Variants in MRPL46 observed in about 807,000 individuals in gnomAD.
MRPL46 encodes the protein mitochondrial ribosomal protein L46.
MRPL46 carries 26 observed loss-of-function variants against 31.0 expected under a neutral mutation model. The ratio of observed to expected loss-of-function variants is 0.84; its 90% CI spans 0.61 to 1.16. MRPL46 has a LOEUF of 1.16. MRPL46 is among the 50% of genes most tolerant of loss of function. The probability of loss-of-function intolerance (pLI) is 0.00; values close to 1 mark genes in which losing one functional copy is unlikely to be tolerated. For synonymous variants in MRPL46, 159 were observed against 141.3 expected, an observed-to-expected ratio of 1.13 and a Z score of -0.89; for missense variants, 395 against 340.0, an observed-to-expected ratio of 1.16 and a Z score of -1.27.
intron 3 of MRPL46, chr15:88,464,281 C>T (rs2055501956): frequency 6.0e-6 from 1 of 167,720 alleles, no homozygotes; most frequent in Non-Finnish European, 1.3e-5. Flanking sequence ...GCTGTTAGAA[C>T]AAAGAGGGGA....
chr15:88,466,427 G>C (rs527737575), intron 1 of MRPL46, among the ~76,000 whole-genome samples: 4 of 152,284 alleles, frequency 2.6e-5, no homozygotes, highest in African/African-American at 9.6e-5. Context: ...CACTCAACTA[G>C]ACTGAAGTAC....
At chr15:88,459,997 A>T (rs2055462608) in intron 3 of MRPL46, 134 bp from the exon 4 acceptor site, 1 of 1,134,304 alleles carries the variant, frequency 8.8e-7, no homozygotes, top group South Asian at 1.6e-5. Context: ...GAATAGGACT[A>T]GAGCCATTCC....
chr15:88,465,657 C>G lies in MRPL46; in HGVS notation c.345G>C (p.Leu115Phe). Residue 115 changes from leucine (L) to phenylalanine (F), a missense_variant, in exon 2 of 4, where the codon TTG becomes TTC. Physicochemically the swap from Leu to Phe is conservative, Grantham distance 22. Transcript: ENST00000312475. The part of the protein sequence containing the change: ...LHDEEDEQDI[L>F]LAQDLEDMWE... ...ACATATCTTCCAAATCTTGCGCCAG[C>G]AATATATCCTGTTCATCTTCTTCAT... 1 of 1,613,358 alleles carries G rather than the reference C, an allele frequency of 6.2e-7. No homozygotes were observed. Among genetic ancestry groups the G allele is most frequent in the Non-Finnish European group, 8.5e-7 (1 of 1,179,848 alleles).
intron 3 of MRPL46, chr15:88,464,029 C>G (rs559236515): frequency 7.2e-5 from 11 of 152,284 alleles, no homozygotes; most frequent in African/African-American, 2.4e-4. Context: ...ACTTCTCAAC[C>G]ACTGTAATTT....
intron 2 of MRPL46, 200 bp downstream of exon 2, chr15:88,465,387 G>T (rs542303604): frequency 4.0e-6 from 2 of 497,192 alleles, no homozygotes; most frequent in South Asian, 5.3e-5. Flanking sequence ...GAGAGAAAAG[G>T]CTATTCCAAT....
At chr15:88,466,620 G>A (rs533885826) in intron 1 of MRPL46, among the ~76,000 whole-genome samples, 1 of 152,214 alleles carries the variant, frequency 6.6e-6, no homozygotes, top group Non-Finnish European at 1.5e-5. Flanking sequence ...GTTCTCAACA[G>A]ACCAAGACAA....
chr15:88,465,415 G>T, intron 2 of MRPL46, 172 bp downstream of exon 2: 2 of 673,796 alleles, frequency 3.0e-6, no homozygotes, highest in South Asian at 3.4e-5. Context: ...CCTCTCACCC[G>T]AAAATAAGAC....
intron 3 of MRPL46, chr15:88,461,649 A>T (rs2055478430): frequency 6.6e-6 from 1 of 152,234 alleles, no homozygotes; most frequent in Non-Finnish European, 1.5e-5. Context: ...AGGGGTTATA[A>T]ATTAGTATAA....
chr15:88,465,803 C>G (rs2055522445), intron 1 of MRPL46, 30 bp from the exon 2 acceptor site: 20 of 1,530,876 alleles, frequency 1.3e-5, no homozygotes, highest in Non-Finnish European at 1.7e-5. Flanking sequence ...AAAAAACTAC[C>G]TTAATCTGGC....
At chr15:88,462,480 C>T (rs2055486852) in intron 3 of MRPL46, 1 of 152,212 alleles carries the variant, frequency 6.6e-6, no homozygotes, top group African/African-American at 2.4e-5. Flanking sequence ...ATCTCACTAG[C>T]AAACAGGAAA....
intron 1 of MRPL46, among the ~76,000 whole-genome samples, chr15:88,466,899 T>C (rs771081488): frequency 9.9e-5 from 15 of 152,220 alleles, no homozygotes; most frequent in Non-Finnish European, 2.1e-4. Flanking sequence ...CCGATTCTTG[T>C]TCACCACAGG....
Position 88,467,208 on chromosome 15 carries a change from G to C in MRPL46, c.170C>G (p.Pro57Arg). 1 of 1,614,118 alleles carries C rather than the reference G, an allele frequency of 6.2e-7. No individual in the cohort carries two copies. Among genetic ancestry groups the C allele is most frequent in the Non-Finnish European group, 8.5e-7 (1 of 1,180,018 alleles). ...LLGALCLQRP[P>R]VVSKPLTPLQ... ...TGGGGTCAACGGCTTGGAGACTACA[G>C]GTGGCCGCTGCAGGCACAACGCGCC... Residue 57 changes from proline to arginine, a missense_variant, in exon 1 of 4, where the codon CCT becomes CGT. By Grantham distance (103) the Pro-to-Arg change is moderately radical. Transcript: ENST00000312475.
At chr15:88,464,175 A>C (rs2055500717) in intron 3 of MRPL46, 1 of 153,764 alleles carries the variant, frequency 6.5e-6, no homozygotes, top group African/African-American at 2.4e-5. Flanking sequence ...CTATAACACA[A>C]AGAATAGCTC....
chr15:88,459,567 C>T lies in MRPL46; in HGVS notation c.*46G>A. The T allele has an allele frequency of 1.9e-6, 3 of 1,610,086 alleles. No individual in the cohort carries two copies. The highest frequency in any genetic ancestry group is 2.5e-6 in the Non-Finnish European group (3 of 1,178,370). On this transcript the variant is annotated 3_prime_UTR_variant, in exon 4 of 4. Coordinates refer to ENST00000312475, the MANE Select transcript of MRPL46 (RefSeq NM_022163.4). ...GCAATCACACAATGTCCTTGAGGCT[C>T]TAATCCCAGACTTGTCTGAGCACCG... is the stretch of plus-strand genomic sequence containing the variant.
In MRPL46 at chr15:88,459,814, G is replaced by C; in HGVS notation, c.639C>G (p.Tyr213Ter). Reference protein sequence around the residue: ...KFLGNAPCGHYTFKFPQAMRT... With the variant: ...KFLGNAPCGH ...GCATTGCCTGGGGGAACTTGAATGT[G>C]TAGTGCCCACAGGGTGCATTTCCTA... Residue 213 changes from tyrosine (Y) to a stop codon, truncating the protein, a stop_gained, in exon 4 of 4, where the codon TAC becomes TAG. Coordinates refer to ENST00000312475, the MANE Select transcript of MRPL46 (RefSeq NM_022163.4). LOFTEE classifies it high-confidence loss of function. 2 of 1,614,220 alleles carry C rather than the reference G, an allele frequency of 1.2e-6. No individual in the cohort carries two copies. The highest frequency in any genetic ancestry group is 1.7e-6 in the Non-Finnish European group (2 of 1,180,030).
chr15:88,465,858 T>C, intron 1 of MRPL46, 85 bp from the exon 2 acceptor site: 1 of 1,243,254 alleles, frequency 8.0e-7, no homozygotes, highest in Non-Finnish European at 1.1e-6. Flanking sequence ...AACAGAGACA[T>C]GGCACACTTG....
chr15:88,464,481 T>A, intron 3 of MRPL46: 2 of 498,724 alleles, frequency 4.0e-6, no homozygotes, highest in South Asian at 5.2e-5. Flanking sequence ...AATTTTAAAA[T>A]CTCAGTGGAA....
chr15:88,464,758 C>T lies in MRPL46; in HGVS notation c.534G>A (p.Trp178Ter). The T allele has an allele frequency of 6.2e-7, 1 of 1,614,114 alleles. No individual in the cohort carries two copies. The part of the protein sequence containing the change: ...QDVWILPQAE[W>*]QPGETLRGTA... ...TTCCTCGAAGGGTCTCCCCAGGCTG[C>T]CACTCTGCCTGGGGCAGTATCCAAA... Residue 178 changes from tryptophan to a stop codon, truncating the protein, a stop_gained, in exon 3 of 4, where the codon TGG (tryptophan) becomes TGA (stop). Coordinates refer to ENST00000312475, the MANE Select transcript of MRPL46 (RefSeq NM_022163.4). LOFTEE classifies it high-confidence loss of function.
intron 3 of MRPL46, chr15:88,460,978 T>C (rs1360804551): frequency 6.6e-6 from 1 of 152,214 alleles, no homozygotes; most frequent in African/African-American, 2.4e-5. Context: ...TGGCCTCAAG[T>C]GATCCGCCTA....
Sources: gnomAD v4.1 joint callset for allele counts (sites outside exome capture counted in the v4.1 genomes callset) on GRCh38, gnomAD v4.1.1 for gene constraint, MANE v1.5 for transcripts, NCBI Gene and HGNC (gene_info 2026-07-23, HGNC 2026-07-21) for gene names.